The following HID1 variants were observed in gnomAD, a reference collection of about 807,000 sequenced individuals.
HID1 encodes the protein protein HID1.
A neutral mutation model predicts 89.7 loss-of-function variants in HID1; 42 were observed. The ratio of observed to expected loss-of-function variants is 0.47; its 90% CI spans 0.37 to 0.61. The LOEUF (loss-of-function observed/expected upper bound fraction) is 0.61. HID1 is among the 20% of genes least tolerant of loss of function. The probability of loss-of-function intolerance (pLI) is 0.00; values close to 1 mark genes in which losing one functional copy is unlikely to be tolerated. For missense variants in HID1, 854 were observed against 1,039.3 expected (o/e 0.82, Z 2.45); for synonymous variants, 442 against 433.8 (o/e 1.02, Z -0.24).
At position 74,962,880 on chromosome 17, in the gene HID1, C is replaced by T. The variant is rs779884705; in HGVS notation, c.504+85G>A. The T allele has an allele frequency of 3.1e-5, 30 of 958,712 alleles. No individual in the cohort carries two copies. In the Middle Eastern group the frequency reaches 7.3e-4, roughly 23 times the overall value. The allele number at this position is 958,712 out of a possible 1,614,324, so 59.4% of individuals were successfully genotyped here. On this transcript the variant is annotated intron_variant, in intron 4 of 18. Coordinates refer to ENST00000425042, the MANE Select transcript of HID1 (RefSeq NM_030630.3). This position sits in a 1 kb window ranked among gnomAD's most constrained non-coding sequence, Gnocchi z 4.3. ...GAGCCCCCCGGCCCCCAGTGCAATC[C>T]GCCCAAGGGAACTTCAACTGGCCCG...
intron 3 of HID1, chr17:74,963,417 G>T (rs1035672175): frequency 2.5e-5 from 12 of 488,794 alleles, no homozygotes; most frequent in Non-Finnish European, 4.0e-5. Context: ...CAGGTGGTGT[G>T]GGGGAGAGAG....
Position 74,958,166 on chromosome 17 carries a change from G to A in HID1, c.1446C>T (p.Asp482=). The change falls in exon 12 of 19, where the codon GAC becomes GAT. Residue 482 remains aspartate (D), a synonymous_variant. Coordinates refer to ENST00000425042, the MANE Select transcript of HID1 (RefSeq NM_030630.3). This position sits in a 1 kb window ranked among gnomAD's most constrained non-coding sequence, Gnocchi z 5.2. Reference sequence around the variant, plus strand: ...CGTTGACCACGATGGTGAGCAGGCAGTCGAAGAGGGGCTGCAACCGCTGGT... The same window carrying A: ...CGTTGACCACGATGGTGAGCAGGCAATCGAAGAGGGGCTGCAACCGCTGGT... ...SGHQRLQPLF[D]CLLTIVVNVS... is the part of the protein sequence containing the mutation. 1 of 1,610,726 alleles carries A rather than the reference G, an allele frequency of 6.2e-7. No homozygotes were observed. Among genetic ancestry groups the A allele is most frequent in the Non-Finnish European group, 8.5e-7 (1 of 1,178,812 alleles).
rs533342753 is a variant in HID1 at position 74,963,848 on chromosome 17, G to A, written c.279C>T (p.Ile93=). The change falls in exon 3 of 19, where the codon ATC becomes ATT. Residue 93 remains isoleucine (I), a synonymous_variant. Coordinates refer to ENST00000425042, the MANE Select transcript of HID1 (RefSeq NM_030630.3). The part of the protein sequence containing the change: ...SGCHSEKEKQ[I]VLNCSRLLTR... ...TGAGCAGCCGGCTGCAGTTCAGGAC[G>A]ATCTGCTTCTCCTTCTCCGAGTGGC... 19 of 1,614,076 alleles carry A rather than the reference G, an allele frequency of 1.2e-5. No homozygotes were observed. The highest frequency in any genetic ancestry group is 9.9e-5 in the South Asian group (9 of 91,084).
rs529753679 is a variant in HID1 at position 74,962,121 on chromosome 17, G to A, written c.611+113C>T. 1.8e-4 allele frequency: 200 copies of A among 1,129,500 alleles called. No homozygotes were observed. In the African/African-American group the frequency reaches 2.8e-3, roughly 16 times the overall value. 70.0% of individuals were successfully genotyped at this position (1,129,500 alleles called of 1,614,324 possible). A position where few individuals can be genotyped will look rare whatever the true frequency, so the allele number is the denominator to read the frequency against. On this transcript the variant is annotated intron_variant, in intron 5 of 18. Coordinates refer to ENST00000425042, the MANE Select transcript of HID1 (RefSeq NM_030630.3). This position sits in a 1 kb window ranked among gnomAD's most constrained non-coding sequence, Gnocchi z 4.3. ...CGTTGACCCCTGTAAGGTCAAGGTC[G>A]GGTCATAGGTGAGGACGGTCTTCTG...
intron 6 of HID1, among the ~76,000 whole-genome samples, chr17:74,961,370 C>T (rs1287945573): frequency 1.3e-5 from 2 of 151,932 alleles, no homozygotes; most frequent in Non-Finnish European, 2.9e-5. Flanking sequence ...CGGGTTCAAG[C>T]GATTCTCGTG....
intron 16 of HID1, 53 bp from the exon 17 acceptor site, chr17:74,952,413 G>C (rs1264157434): frequency 1.4e-6 from 2 of 1,384,738 alleles, no homozygotes; most frequent in African/African-American, 1.4e-5. Flanking sequence ...GGAGGCTGCG[G>C]GGCAAGCCTG....
rs750971139 is a variant in HID1, at chr17:74,958,630, C to T, written c.1240+43G>A. 67 of 1,600,136 alleles carry T rather than the reference C, an allele frequency of 4.2e-5. No individual in the cohort carries two copies. Among genetic ancestry groups the T allele is most frequent in the African/African-American group, 2.7e-5 (2 of 74,548 alleles). On this transcript the variant is annotated intron_variant, in intron 10 of 18. Transcript: ENST00000425042. This position sits in a 1 kb window ranked among gnomAD's most constrained non-coding sequence, Gnocchi z 5.2. ...GCAGATAGCCAGCCCTCCACCTCGC[C>T]GCCAGGAAAGCCCCCAGCATCCCAC...
chr17:74,959,044 T>G lies in HID1; in HGVS notation c.1016A>C (p.Gln339Pro). The G allele has an allele frequency of 6.4e-7, 1 of 1,564,870 alleles. No homozygotes were observed. Among genetic ancestry groups the G allele is most frequent in the Non-Finnish European group, 8.6e-7 (1 of 1,161,344 alleles). The change falls in exon 9 of 19, where the codon CAG (glutamine) becomes CCG (proline). Residue 339 changes from glutamine (Q) to proline (P), a missense_variant. Coordinates refer to ENST00000425042, the MANE Select transcript of HID1 (RefSeq NM_030630.3). The surrounding 1 kb of genome is among the most constrained non-coding windows in gnomAD (Gnocchi z 4.6). ...CCGGGCTATACCCTTGAGGATGAAC[T>G]GGAAGTCCTGGGGGCGAGGGCAGAG... ...LSRIHREEDF[Q>P]FILKGIARLL...
In HID1 at chr17:74,962,937, T is replaced by C; in HGVS notation, c.504+28A>G. On this transcript the variant is annotated intron_variant, in intron 4 of 18. Transcript: ENST00000425042. This position sits in a 1 kb window ranked among gnomAD's most constrained non-coding sequence, Gnocchi z 4.3. ...ACCCAGGACCAGAGCCTACTCCGCC[T>C]GGGGGTGGGGGGCTGGGGGACACTC... 6.5e-7 allele frequency: 1 copy of C among 1,530,284 alleles called. No individual in the cohort carries two copies. The highest frequency in any genetic ancestry group is 9.0e-7 in the Non-Finnish European group (1 of 1,108,952). The allele number at this position is 1,530,284 out of a possible 1,614,324, so 94.8% of individuals were successfully genotyped here.
rs571448769 is a variant in HID1, at chr17:74,954,230, G to T, written c.1772C>A (p.Thr591Asn). ...CATGGAGGTGCCCTCCTGGGAGCCG[G>T]TGCGAGACAAGGGCTCAGGTGTCCG... ...RRRTPEPLSR[T>N]GSQEGTSMEG... Residue 591 changes from threonine to asparagine, a missense_variant, in exon 14 of 19, where the codon ACC becomes AAC. By Grantham distance (65) the Thr-to-Asn change is moderately conservative. Coordinates refer to ENST00000425042, the MANE Select transcript of HID1 (RefSeq NM_030630.3). 1.6e-5 allele frequency: 26 copies of T among 1,595,372 alleles called. No homozygotes were observed. In the Admixed American group the frequency reaches 3.5e-4, roughly 22 times the overall value.
In HID1 at chr17:74,959,264, C is replaced by T. The variant is rs1254763023; in HGVS notation, c.1009-213G>A. ...TAGCTGTGGACAGCCCTGGCCCCTC[C>T]ACTAGACTGCAGACTCTCTGTCCTT... On this transcript the variant is annotated intron_variant, in intron 8 of 18. Coordinates refer to ENST00000425042, the MANE Select transcript of HID1 (RefSeq NM_030630.3). The surrounding 1 kb of genome is among the most constrained non-coding windows in gnomAD (Gnocchi z 4.6). Among the ~76,000 whole-genome samples, 1 of 152,148 alleles carries T rather than the reference C, an allele frequency of 6.6e-6. No homozygotes were observed. The highest frequency in any genetic ancestry group is 1.5e-5 in the Non-Finnish European group (1 of 68,024).
Position 74,952,666 on chromosome 17 carries a change from G to C in HID1, c.2053-306C>G, listed in dbSNP as rs2039322177. On this transcript the variant is annotated intron_variant, in intron 16 of 18. Coordinates refer to ENST00000425042, the MANE Select transcript of HID1 (RefSeq NM_030630.3). The stretch of plus-strand genomic sequence containing the variant: ...TCCCAGCGCAACTGGCGTGATCTCA[G>C]GAGACACAGGGCGTGGGGATGAGAT... 1.3e-5 allele frequency among the ~76,000 whole-genome samples: 2 copies of C among 152,214 alleles called. 1 individual carries two copies. Among genetic ancestry groups the C allele is most frequent in the South Asian group, 4.1e-4 (2 of 4,830 alleles).
rs1370675530 is a variant in HID1, at chr17:74,958,907, C to T, written c.1149+4G>A. The T allele has an allele frequency of 1.9e-6, 3 of 1,588,416 alleles. No homozygotes were observed. Among genetic ancestry groups the T allele is most frequent in the Non-Finnish European group, 2.6e-6 (3 of 1,169,612 alleles). On this transcript the variant is annotated splice_donor_region_variant and intron_variant, in intron 9 of 18. Coordinates refer to ENST00000425042, the MANE Select transcript of HID1 (RefSeq NM_030630.3). The surrounding 1 kb of genome is among the most constrained non-coding windows in gnomAD (Gnocchi z 5.2). Reference sequence around the variant, plus strand: ...CCCTGCAGGGCCCCTCGAGGCTGGCCCACCTTGTTGAAGTCGCAGAGCTTC... The same window carrying T: ...CCCTGCAGGGCCCCTCGAGGCTGGCTCACCTTGTTGAAGTCGCAGAGCTTC...
In HID1 at chr17:74,954,377, G is replaced by A. The variant is rs3816876; in HGVS notation, c.1637-12C>T. The A allele has an allele frequency of 0.044, 68,908 of 1,556,060 alleles. 7,894 individuals carry two copies. In the East Asian group the frequency reaches 0.53, roughly 12 times the overall value. On this transcript the variant is annotated splice_polypyrimidine_tract_variant and intron_variant, in intron 13 of 18. Transcript: ENST00000425042. ...CAGGTTGGAGTTGCCTGTGGGCAGGGAGCATGCCTCGCCTCAGGGAGGCCC... is the reference window on the plus strand; with the variant it reads ...CAGGTTGGAGTTGCCTGTGGGCAGGAAGCATGCCTCGCCTCAGGGAGGCCC...
At chr17:74,970,210 C>A (rs2144833401) in intron 1 of HID1, among the ~76,000 whole-genome samples, 1 of 152,278 alleles carries the variant, frequency 6.6e-6, no homozygotes, top group South Asian at 2.1e-4. Flanking sequence ...AGCCACCACA[C>A]CCGGCCCAAA....
chr17:74,968,395 A>G (rs1022858055), intron 1 of HID1, among the ~76,000 whole-genome samples: 2 of 151,842 alleles, frequency 1.3e-5, no homozygotes, highest in East Asian at 3.9e-4. Flanking sequence ...GCACCCGTGG[A>G]ACTCTCCAAA....
rs1437688712 is a variant in HID1 at position 74,958,306 on chromosome 17, C to T, written c.1392+21G>A. 10 of 1,611,800 alleles carry T rather than the reference C, an allele frequency of 6.2e-6. No homozygotes were observed. Among genetic ancestry groups the T allele is most frequent in the Admixed American group, 1.7e-5 (1 of 59,774 alleles). On this transcript the variant is annotated intron_variant, in intron 11 of 18. Coordinates refer to ENST00000425042, the MANE Select transcript of HID1 (RefSeq NM_030630.3). This position sits in a 1 kb window ranked among gnomAD's most constrained non-coding sequence, Gnocchi z 5.2. ...ACACCACCCCTGCACCTCCTGGGCCCGGCCGCACGAGCCCCCTCACCACAA... is the reference window on the plus strand; with the variant it reads ...ACACCACCCCTGCACCTCCTGGGCCTGGCCGCACGAGCCCCCTCACCACAA...
rs558468598 is a variant in HID1 at position 74,971,502 on chromosome 17, G to A, written c.66+1089C>T. ...GAAAGGGGTGAGGGAGCAAGGTCTG[G>A]CCCCTGGAGCTGTGACCAGCTGGCT... On this transcript the variant is annotated intron_variant, in intron 1 of 18. Coordinates refer to ENST00000425042, the MANE Select transcript of HID1 (RefSeq NM_030630.3). Among the ~76,000 whole-genome samples, 6 of 152,320 alleles carry A rather than the reference G, an allele frequency of 3.9e-5. 2 individuals carry two copies. Among genetic ancestry groups the A allele is most frequent in the East Asian group, 3.9e-4 (2 of 5,178 alleles).
Position 74,958,724 on chromosome 17 carries a change from C to T in HID1, c.1189G>A (p.Asp397Asn). The change falls in exon 10 of 19, where the codon GAC becomes AAC. Residue 397 changes from aspartate to asparagine, a missense_variant. Physicochemically the swap from Asp to Asn is conservative, Grantham distance 23. Coordinates refer to ENST00000425042, the MANE Select transcript of HID1 (RefSeq NM_030630.3). The surrounding 1 kb of genome is among the most constrained non-coding windows in gnomAD (Gnocchi z 5.2). ...FFVLKSSDVL[D>N]ILVPILFFLN... ...AAGAAGAGGATGGGGACAAGGATGT[C>T]TAGGACGTCGCTGCTCTTCAGCACG... is the stretch of plus-strand genomic sequence containing the variant. 3.2e-6 allele frequency: 5 copies of T among 1,568,208 alleles called. No homozygotes were observed. Among genetic ancestry groups the T allele is most frequent in the Non-Finnish European group, 4.3e-6 (5 of 1,155,076 alleles).
Sources: gnomAD v4.1 joint callset for allele counts (sites outside exome capture counted in the v4.1 genomes callset) on GRCh38, gnomAD v4.1.1 for gene constraint, Gnocchi (gnomAD v3.1) non-coding constraint, MANE v1.5 for transcripts, NCBI Gene and HGNC (gene_info 2026-07-23, HGNC 2026-07-21) for gene names.